The following WDR76 variants were observed in gnomAD, a reference collection of about 807,000 sequenced individuals.
WDR76 encodes WD repeat domain 76, also known as WD repeat-containing protein 76.
A neutral mutation model predicts 70.2 loss-of-function variants in WDR76; 52 were observed. That is an observed-to-expected ratio of 0.74 (90% CI 0.59 to 0.93). WDR76 has a LOEUF of 0.93. WDR76 is among the 40% of genes least tolerant of loss of function. The pLI is 0.00. For missense variants in WDR76, 756 were observed against 760.2 expected (o/e 0.99, Z 0.07); for synonymous variants, 292 against 271.1 (o/e 1.08, Z -0.76).
intron 3 of WDR76, among the ~76,000 whole-genome samples, 159 bp downstream of exon 3, chr15:43,835,309 G>GC (rs897069324): frequency 7.7e-5 from 3 of 38,754 alleles, no homozygotes; most frequent in East Asian, 1.5e-3. Flanking sequence ...CCCGCCCCCC[G>GC]CCCCCCACCC....
At position 43,828,114 on chromosome 15, in the gene WDR76, A is replaced by G; in HGVS notation, c.210A>G (p.Leu70=). The change falls in exon 2 of 13, where the codon CTA becomes CTG. Residue 70 remains leucine (L), a synonymous_variant. Transcript: ENST00000263795. Reference sequence around the variant, plus strand: ...ACCAGCTTATGTGCCCCAAATCCCTATCAGAAAAGAATTCTAACAATGAAG... The same window carrying G: ...ACCAGCTTATGTGCCCCAAATCCCTGTCAGAAAAGAATTCTAACAATGAAG... ...QLDQLMCPKS[L]SEKNSNNEVA... The G allele has an allele frequency of 1.2e-6, 2 of 1,614,208 alleles. No homozygotes were observed. The highest frequency in any genetic ancestry group is 4.5e-5 in the East Asian group (2 of 44,886).
intron 10 of WDR76, chr15:43,857,655 A>G (rs2140311476): frequency 2.7e-6 from 1 of 367,590 alleles, no homozygotes; most frequent in Non-Finnish European, 3.8e-6. Flanking sequence ...CCCTGTCTCT[A>G]CTAAAAATAC....
chr15:43,830,174 C>T (rs1349390019), intron 2 of WDR76, among the ~76,000 whole-genome samples: 1 of 151,926 alleles, frequency 6.6e-6, no homozygotes, highest in Non-Finnish European at 1.5e-5. Flanking sequence ...GCCCAATTTG[C>T]ATATTTAACA....
At chr15:43,837,018 C>T (rs1321220171) in intron 4 of WDR76, among the ~76,000 whole-genome samples, 1 of 127,886 alleles carries the variant, frequency 7.8e-6, no homozygotes, top group Admixed American at 8.7e-5. Flanking sequence ...CCAGCCTGGG[C>T]AATAAGAGTG....
intron 2 of WDR76, among the ~76,000 whole-genome samples, chr15:43,831,444 A>AC (rs1288935840): frequency 6.7e-6 from 1 of 149,688 alleles, no homozygotes; most frequent in South Asian, 2.1e-4. Context: ...CAGCCAAGAT[A>AC]CTTTTTTTTT....
chr15:43,858,929 G>A (rs1286965830), intron 11 of WDR76, 106 bp downstream of exon 11: 4 of 1,386,990 alleles, frequency 2.9e-6, no homozygotes, highest in Non-Finnish European at 3.9e-6. Flanking sequence ...TAAATTGCTA[G>A]TGTTATTGTT....
intron 8 of WDR76, among the ~76,000 whole-genome samples, chr15:43,848,227 G>A (rs1461599013): frequency 3.3e-5 from 5 of 152,066 alleles, no homozygotes; most frequent in Non-Finnish European, 5.9e-5. Flanking sequence ...TTGACAGAGT[G>A]AGACCCTATC....
At chr15:43,859,435 T>C (rs950792669) in intron 11 of WDR76, among the ~76,000 whole-genome samples, 2 of 152,248 alleles carry the variant, frequency 1.3e-5, no homozygotes, top group South Asian at 4.1e-4. Flanking sequence ...TTAGAATCCC[T>C]GATTTTGCTT....
intron 10 of WDR76, chr15:43,857,610 A>G (rs2087944176): frequency 7.5e-6 from 6 of 804,740 alleles, no homozygotes; most frequent in Non-Finnish European, 9.0e-6. Flanking sequence ...ACTTGAGGTC[A>G]GGAGTTCGAG....
At chr15:43,832,018 A>G (rs1478911781) in intron 2 of WDR76, among the ~76,000 whole-genome samples, 1 of 152,094 alleles carries the variant, frequency 6.6e-6, no homozygotes, top group East Asian at 1.9e-4. Context: ...AAGTGCTAGG[A>G]TTATAGGCGT....
chr15:43,831,763 T>C (rs1350906633), intron 2 of WDR76, among the ~76,000 whole-genome samples: 2 of 152,158 alleles, frequency 1.3e-5, no homozygotes, highest in Non-Finnish European at 2.9e-5. Flanking sequence ...TGGTTTATTC[T>C]TTCATTTTGG....
intron 2 of WDR76, among the ~76,000 whole-genome samples, chr15:43,831,841 G>GTT (rs943153573): frequency 1.4e-5 from 2 of 144,420 alleles, no homozygotes; most frequent in Non-Finnish European, 1.5e-5. Flanking sequence ...AAATTTTTTT[G>GTT]TTTTTTTTTT....
At position 43,839,713 on chromosome 15, in the gene WDR76, A is replaced by T. The variant is rs146758589; in HGVS notation, c.717A>T (p.Leu239Phe). The T allele has an allele frequency of 5.8e-5, 93 of 1,608,146 alleles. No homozygotes were observed. The highest frequency in any genetic ancestry group is 7.5e-5 in the Non-Finnish European group (88 of 1,177,052). ...SLPAAPTPPT[L>F]VADETPLLPP... ...CAGCAGCTCCAACACCGCCGACATT[A>T]GTAGCAGATGAAACTGTAAGGAAAT... Residue 239 changes from leucine (L) to phenylalanine (F), a missense_variant, in exon 5 of 13, where the codon TTA (leucine) becomes TTT (phenylalanine). By Grantham distance (22) the Leu-to-Phe change is conservative. Transcript: ENST00000263795.
chr15:43,829,620 C>T (rs2087562256), intron 2 of WDR76, among the ~76,000 whole-genome samples: 1 of 150,566 alleles, frequency 6.6e-6, no homozygotes, highest in South Asian at 2.1e-4. Flanking sequence ...CATTCTCCTG[C>T]CTCAGCCTCC....
In WDR76 at chr15:43,828,127, T is replaced by G; in HGVS notation, c.223T>G (p.Ser75Ala). The G allele has an allele frequency of 6.2e-7, 1 of 1,614,136 alleles. No individual in the cohort carries two copies. The highest frequency in any genetic ancestry group is 1.1e-5 in the South Asian group (1 of 91,086). ...MCPKSLSEKN[S>A]NNEVACKKTK... ...CCCCAAATCCCTATCAGAAAAGAAT[T>G]CTAACAATGAAGTGGCGTGTAAGAA... The change falls in exon 2 of 13, where the codon TCT (serine) becomes GCT (alanine). Residue 75 changes from serine to alanine, a missense_variant. Transcript: ENST00000263795.
chr15:43,842,370 C>G, intron 5 of WDR76, 45 bp from the exon 6 acceptor site: 1 of 1,563,444 alleles, frequency 6.4e-7, no homozygotes, highest in Non-Finnish European at 8.8e-7. Flanking sequence ...TGTTTATATT[C>G]TAGGGCAGGG....
At chr15:43,832,758 T>TTTG (rs1567182162) in intron 2 of WDR76, among the ~76,000 whole-genome samples, 1 of 136,004 alleles carries the variant, frequency 7.4e-6, no homozygotes, top group Non-Finnish European at 1.6e-5. Flanking sequence ...TTTTTTTTTT[T>TTTG]TTTTTTTTTT....
intron 12 of WDR76, among the ~76,000 whole-genome samples, chr15:43,863,560 A>T (rs2412819): frequency 0.56 from 80,339 of 143,198 alleles, 23,719 homozygotes; most frequent in African/African-American, 0.81. Context: ...TCTCTTTTTT[A>T]AAAAAAAAAA....
chr15:43,831,226 T>C (rs2087584194), intron 2 of WDR76, among the ~76,000 whole-genome samples: 2 of 151,896 alleles, frequency 1.3e-5, no homozygotes, highest in Admixed American at 6.6e-5. Flanking sequence ...GCAAGACTCT[T>C]GTTTTAAAAA....
Sources: gnomAD v4.1 joint callset for allele counts (sites outside exome capture counted in the v4.1 genomes callset) on GRCh38, gnomAD v4.1.1 for gene constraint, MANE v1.5 for transcripts, NCBI Gene and HGNC (gene_info 2026-07-23, HGNC 2026-07-21) for gene names.